The following TAFA2 variants were observed in gnomAD, a reference collection of about 807,000 sequenced individuals.
TAFA2 encodes TAFA chemokine like family member 2.
Under a neutral mutation model 18.8 loss-of-function variants are expected in TAFA2, and 7 were observed. The observed-to-expected ratio is 0.37, with a 90% CI of 0.21 to 0.70. The LOEUF is 0.70. Among genes scored for constraint, TAFA2 ranks in the 30% least tolerant of loss-of-function variants. The probability of loss-of-function intolerance (pLI) is 0.53; values close to 1 mark genes in which losing one functional copy is unlikely to be tolerated. For missense variants in TAFA2, 122 were observed against 158.1 expected (o/e 0.77, Z 1.23); for synonymous variants, 60 against 54.2 (o/e 1.11, Z -0.47).
chr12:61,882,720 A>AT (rs1417366498), intron 1 of TAFA2, among the ~76,000 whole-genome samples: 2 of 152,258 alleles, frequency 1.3e-5, no homozygotes, highest in African/African-American at 4.8e-5. Context: ...TTTCCTTGTG[A>AT]ATACTCTATG....
intron 1 of TAFA2, among the ~76,000 whole-genome samples, chr12:62,218,716 T>C (rs996734018): frequency 5.3e-5 from 8 of 152,230 alleles, no homozygotes; most frequent in Non-Finnish European, 1.0e-4. Flanking sequence ...GGATATAATA[T>C]TATACATAGC....
chr12:62,101,647 A>G (rs1181880193), intron 1 of TAFA2, among the ~76,000 whole-genome samples: 2 of 152,334 alleles, frequency 1.3e-5, no homozygotes, highest in Non-Finnish European at 2.9e-5. Flanking sequence ...TACCCTACAC[A>G]GTAAGTTCTA....
At chr12:62,116,499 A>G (rs1291907492) in intron 1 of TAFA2, among the ~76,000 whole-genome samples, 2 of 151,374 alleles carry the variant, frequency 1.3e-5, no homozygotes, top group Non-Finnish European at 2.9e-5. Context: ...GCAGGGATTT[A>G]TTTATTTAAC....
At chr12:61,945,880 C>T (rs1160677663) in intron 1 of TAFA2, among the ~76,000 whole-genome samples, 16 of 149,728 alleles carry the variant, frequency 1.1e-4, no homozygotes, top group Admixed American at 2.7e-4. Flanking sequence ...GGCCATACTG[C>T]CCAAGGTAAT....
chr12:62,152,056 G>A (rs2136920599), intron 1 of TAFA2, among the ~76,000 whole-genome samples: 1 of 152,242 alleles, frequency 6.6e-6, no homozygotes, highest in African/African-American at 2.4e-5. Flanking sequence ...AGGCCCATCT[G>A]TAAAATACAC....
At chr12:61,806,219 T>G (rs74474204) in intron 2 of TAFA2, among the ~76,000 whole-genome samples, 2,041 of 152,284 alleles carry the variant, frequency 0.013, 47 homozygotes, top group East Asian at 0.1. Flanking sequence ...TCCCAGGTGT[T>G]GTGGGAGGCA....
chr12:62,028,036 A>AG (rs1488669287), intron 1 of TAFA2, among the ~76,000 whole-genome samples: 1 of 152,144 alleles, frequency 6.6e-6, no homozygotes, highest in Non-Finnish European at 1.5e-5. Flanking sequence ...TCTGCTATAG[A>AG]GGTAAGCTCC....
intron 2 of TAFA2, among the ~76,000 whole-genome samples, chr12:61,821,398 TA>T (rs1431124694): frequency 6.6e-6 from 1 of 152,016 alleles, no homozygotes; most frequent in Non-Finnish European, 1.5e-5. Context: ...TACAATTAAA[TA>T]AAAGTTCTCT....
At chr12:61,927,259 A>G (rs941640006) in intron 1 of TAFA2, among the ~76,000 whole-genome samples, 8 of 152,112 alleles carry the variant, frequency 5.3e-5, no homozygotes, top group Non-Finnish European at 8.8e-5. Context: ...GTATATTTAG[A>G]AAAACCCATC....
At chr12:62,155,947 A>G (rs1437402128) in intron 1 of TAFA2, among the ~76,000 whole-genome samples, 1 of 152,236 alleles carries the variant, frequency 6.6e-6, no homozygotes, top group Non-Finnish European at 1.5e-5. Flanking sequence ...AATAATTGGG[A>G]CTTAATTAGA....
intron 1 of TAFA2, among the ~76,000 whole-genome samples, chr12:61,929,799 T>C (rs866794044): frequency 1.3e-5 from 2 of 152,062 alleles, no homozygotes; most frequent in African/African-American, 4.8e-5. Flanking sequence ...ATGTGGCACA[T>C]ATACACCATG....
chr12:62,004,210 G>A (rs1027762907), intron 1 of TAFA2, among the ~76,000 whole-genome samples: 4 of 152,098 alleles, frequency 2.6e-5, no homozygotes, highest in Non-Finnish European at 5.9e-5. Flanking sequence ...AAGAAAGTGA[G>A]AAGAAAGATG....
rs79334842 is a variant in TAFA2, at chr12:62,240,963, C to T, written c.-130+17800G>A. 5.4e-3 allele frequency among the ~76,000 whole-genome samples: 823 copies of T among 152,328 alleles called. 6 individuals are homozygous for T. The highest frequency in any genetic ancestry group is 0.019 in the African/African-American group (773 of 41,590). On this transcript the variant is annotated intron_variant, in intron 1 of 5. Coordinates refer to the TAFA2 transcript ENST00000551619. ...GAAGTGAAATAGTTTCATCCCAAAA[C>T]TATTCTCCCACCCAAGTTTGTGGAA... is the stretch of plus-strand genomic sequence containing the variant.
intron 1 of TAFA2, among the ~76,000 whole-genome samples, chr12:61,908,378 TG>T: frequency 6.6e-6 from 1 of 152,210 alleles, no homozygotes; most frequent in East Asian, 1.9e-4. Context: ...CACACTGTCT[TG>T]CCTGTTGCCA....
At chr12:62,153,282 G>C (rs182350019) in intron 1 of TAFA2, among the ~76,000 whole-genome samples, 8 of 152,224 alleles carry the variant, frequency 5.3e-5, no homozygotes, top group Admixed American at 5.2e-4. Context: ...ACAAGAAGTG[G>C]AACATTATTC....
intron 2 of TAFA2, among the ~76,000 whole-genome samples, chr12:61,857,431 T>G (rs1873930891): frequency 6.6e-6 from 1 of 152,276 alleles, no homozygotes; most frequent in South Asian, 2.1e-4. Flanking sequence ...AGGGGAAGCT[T>G]TATATACTTC....
chr12:61,812,422 G>A (rs1056697232), intron 2 of TAFA2, among the ~76,000 whole-genome samples: 1 of 151,272 alleles, frequency 6.6e-6, no homozygotes, highest in Non-Finnish European at 1.5e-5. Flanking sequence ...ACTGCTTCAG[G>A]GTCAGATGGT....
In TAFA2 at chr12:62,248,924, T is replaced by A. The variant is rs2062898883; in HGVS notation, c.-130+9839A>T. Among the ~76,000 whole-genome samples, 2 of 152,270 alleles carry A rather than the reference T, an allele frequency of 1.3e-5. 1 individual carries two copies. Among genetic ancestry groups the A allele is most frequent in the Admixed American group, 1.3e-4 (2 of 15,288 alleles). On this transcript the variant is annotated intron_variant, in intron 1 of 5. Coordinates refer to the TAFA2 transcript ENST00000551619. Reference sequence around the variant, plus strand: ...TACCCATTGCTCCCTTCCCTCAGCATCTAGCAATCATCATTTGAGAAAATG... The same window carrying A: ...TACCCATTGCTCCCTTCCCTCAGCAACTAGCAATCATCATTTGAGAAAATG...
chr12:62,176,605 T>G (rs2062515789), intron 1 of TAFA2, among the ~76,000 whole-genome samples: 1 of 152,164 alleles, frequency 6.6e-6, no homozygotes, highest in African/African-American at 2.4e-5. Flanking sequence ...TTTTTCAAAT[T>G]TCCTTAGATG....
Sources: allele counts gnomAD v4.1 joint callset (sites outside exome capture counted in the v4.1 genomes callset), GRCh38; gene constraint gnomAD v4.1.1; transcripts MANE v1.5; gene names NCBI Gene and HGNC (gene_info 2026-07-23, HGNC 2026-07-21).